Variants in FBXW7 observed in about 807,000 individuals in gnomAD.
FBXW7 encodes F-box and WD repeat domain containing 7.
Under a neutral mutation model 86.3 loss-of-function variants are expected in FBXW7, and 11 were observed. The ratio of observed to expected loss-of-function variants is 0.13; its 90% CI spans 0.08 to 0.21. The LOEUF (loss-of-function observed/expected upper bound fraction) is 0.21, where lower values mean the gene tolerates loss of function less well. Among genes scored for constraint, FBXW7 ranks in the 10% least tolerant of loss-of-function variants. FBXW7 has a pLI of 1.00. For synonymous variants in FBXW7, 313 were observed against 297.9 expected, an observed-to-expected ratio of 1.05 and a Z score of -0.52; for missense variants, 488 against 847.4, an observed-to-expected ratio of 0.58 and a Z score of 5.27.
chr4:152,512,165 A>C (rs140107081), intron 2 of FBXW7, among the ~76,000 whole-genome samples: 1 of 152,300 alleles, frequency 6.6e-6, no homozygotes. Context: ...AATTCTCCAT[A>C]CTACACATAC....
At chr4:152,429,370 G>T (rs1169018520) in intron 2 of FBXW7, among the ~76,000 whole-genome samples, 1 of 151,446 alleles carries the variant, frequency 6.6e-6, no homozygotes, top group African/African-American at 2.4e-5. Context: ...GGGGGAAGTT[G>T]GGTGGTGGGG....
intron 2 of FBXW7, among the ~76,000 whole-genome samples, chr4:152,481,572 T>C (rs549574480): frequency 8.5e-5 from 13 of 152,304 alleles, no homozygotes; most frequent in African/African-American, 2.4e-4. Context: ...GCAAAGTAAA[T>C]TGAAAGCCTT....
intron 6 of FBXW7, among the ~76,000 whole-genome samples, chr4:152,345,954 T>C (rs1396743524): frequency 2.6e-5 from 4 of 152,192 alleles, no homozygotes; most frequent in African/African-American, 9.6e-5. Context: ...GGGTAGTATA[T>C]TCTTTTTACA....
At chr4:152,382,253 T>G (rs1376649636) in intron 4 of FBXW7, 2 of 1,604,132 alleles carry the variant, frequency 1.2e-6, no homozygotes. Context: ...CATCACAGTT[T>G]GATGTGGTAG....
At chr4:152,383,856 T>A (rs2126786110) in intron 4 of FBXW7, among the ~76,000 whole-genome samples, 1 of 152,224 alleles carries the variant, frequency 6.6e-6, no homozygotes, top group South Asian at 2.1e-4. Context: ...GCAAAATCAC[T>A]GGCAGCAATG....
At chr4:152,347,193 A>T in intron 5 of FBXW7, 122 bp from the exon 6 acceptor site, 1 of 809,736 alleles carries the variant, frequency 1.2e-6, no homozygotes, top group Non-Finnish European at 1.9e-6. Flanking sequence ...GCATATTTCA[A>T]ACATCAATTA....
intron 4 of FBXW7, among the ~76,000 whole-genome samples, chr4:152,408,473 T>C (rs1737628703): frequency 6.6e-6 from 1 of 152,220 alleles, no homozygotes; most frequent in South Asian, 2.1e-4. Flanking sequence ...GCATGTTTTA[T>C]GGATTCAAGA....
At chr4:152,531,053 G>A (rs1749985461) in intron 2 of FBXW7, among the ~76,000 whole-genome samples, 1 of 151,976 alleles carries the variant, frequency 6.6e-6, no homozygotes, top group Non-Finnish European at 1.5e-5. Context: ...CATCTGGTGG[G>A]TGCTAAAACA....
intron 4 of FBXW7, among the ~76,000 whole-genome samples, chr4:152,387,061 T>A (rs991035946): frequency 6.6e-6 from 1 of 152,182 alleles, no homozygotes; most frequent in Admixed American, 6.5e-5. Context: ...AGATTTTCCA[T>A]TTTTCATAAA....
intron 2 of FBXW7, among the ~76,000 whole-genome samples, chr4:152,455,749 C>T (rs955981836): frequency 6.6e-6 from 1 of 152,144 alleles, no homozygotes; most frequent in African/African-American, 2.4e-5. Context: ...ATGGCCTTAG[C>T]TCATGGCCCC....
At chr4:152,398,386 T>C (rs2126831953) in intron 4 of FBXW7, among the ~76,000 whole-genome samples, 1 of 152,068 alleles carries the variant, frequency 6.6e-6, no homozygotes, top group South Asian at 2.1e-4. Flanking sequence ...AACATACTAA[T>C]ATATGATTTT....
intron 2 of FBXW7, among the ~76,000 whole-genome samples, chr4:152,483,732 TTC>T (rs1157049656): frequency 4.6e-5 from 7 of 151,804 alleles, no homozygotes; most frequent in Non-Finnish European, 1.0e-4. Context: ...AAAAAACCCT[TTC>T]TGTGTTGTGT....
At chr4:152,334,651 A>G (rs1424420320) in intron 7 of FBXW7, among the ~76,000 whole-genome samples, 3 of 152,220 alleles carry the variant, frequency 2.0e-5, no homozygotes, top group Non-Finnish European at 2.9e-5. Context: ...TCAAAAGTAC[A>G]TCCCCAAATC....
At chr4:152,333,667 A>G (rs1217960361) in intron 7 of FBXW7, among the ~76,000 whole-genome samples, 1 of 152,196 alleles carries the variant, frequency 6.6e-6, no homozygotes, top group Non-Finnish European at 1.5e-5. Context: ...AGGGTCACAC[A>G]GGGAGTAAAA....
intron 4 of FBXW7, among the ~76,000 whole-genome samples, chr4:152,362,003 A>AAAAAG: frequency 6.6e-6 from 1 of 151,634 alleles, no homozygotes; most frequent in African/African-American, 2.4e-5. Flanking sequence ...ACAGAACAGA[A>AAAAAG]AAAAGAAAAG....
intron 3 of FBXW7, 48 bp downstream of exon 3, chr4:152,412,432 G>A (rs985101734): frequency 1.3e-5 from 2 of 150,860 alleles, no homozygotes; most frequent in African/African-American, 4.9e-5. Flanking sequence ...TGACTGGACA[G>A]AAAATGAACA....
At chr4:152,408,408 T>C (rs1251342390) in intron 4 of FBXW7, among the ~76,000 whole-genome samples, 2 of 152,244 alleles carry the variant, frequency 1.3e-5, no homozygotes, top group Non-Finnish European at 2.9e-5. Context: ...CAGACATTTG[T>C]ATCTGGAGAA....
At chr4:152,389,007 T>C (rs1372448705) in intron 4 of FBXW7, among the ~76,000 whole-genome samples, 1 of 152,106 alleles carries the variant, frequency 6.6e-6, no homozygotes, top group African/African-American at 2.4e-5. Flanking sequence ...AAGACATACA[T>C]ATTTTTTCAT....
chr4:152,535,884 G>T lies in FBXW7; in HGVS notation c.-970C>A. 1 of 369,486 alleles carries T rather than the reference G, an allele frequency of 2.7e-6. No individual in the cohort carries two copies. The highest frequency in any genetic ancestry group is 4.8e-6 in the Non-Finnish European group (1 of 207,172). The allele number at this position is 369,486 out of a possible 1,614,324, so 22.9% of individuals were successfully genotyped here. On this transcript the variant is annotated 5_prime_UTR_variant, in exon 1 of 14. Transcript: ENST00000281708. ...CCGCCGCTGCCGGCCGGGAAGGTGA[G>T]GGGGGGAAAGGAGTGCGGCCGCGGC...
Sources: allele counts gnomAD v4.1 joint callset (sites outside exome capture counted in the v4.1 genomes callset), GRCh38; gene constraint gnomAD v4.1.1; transcripts MANE v1.5; gene names NCBI Gene and HGNC (gene_info 2026-07-23, HGNC 2026-07-21).